The following CNTN6 variants were observed in gnomAD, a reference collection of about 807,000 sequenced individuals.
CNTN6 encodes contactin-6.
Under a neutral mutation model 122.8 loss-of-function variants are expected in CNTN6, and 137 were observed. The ratio of observed to expected loss-of-function variants is 1.12; its 90% CI spans 0.97 to 1.29. CNTN6 has a LOEUF of 1.29. Among genes scored for constraint, CNTN6 ranks in the 50% most tolerant of loss-of-function variants. The pLI is 0.00. For synonymous variants in CNTN6, 570 were observed against 426.0 expected, an observed-to-expected ratio of 1.34 and a Z score of -4.16; for missense variants, 1,634 against 1,223.4, an observed-to-expected ratio of 1.34 and a Z score of -5.01.
At chr3:1,118,218 A>C (rs910310190) in intron 1 of CNTN6, among the ~76,000 whole-genome samples, 1 of 152,158 alleles carries the variant, frequency 6.6e-6, no homozygotes, top group African/African-American at 2.4e-5. Context: ...GGTGAAGAGA[A>C]GCCTTTCACA....
At chr3:1,134,848 T>A (rs2092431974) in intron 1 of CNTN6, among the ~76,000 whole-genome samples, 1 of 152,154 alleles carries the variant, frequency 6.6e-6, no homozygotes, top group Non-Finnish European at 1.5e-5. Context: ...CAATGTCTGC[T>A]GTTAGTAAGA....
At chr3:1,282,506 A>G (rs866779181) in intron 5 of CNTN6, among the ~76,000 whole-genome samples, 1 of 152,228 alleles carries the variant, frequency 6.6e-6, no homozygotes, top group Non-Finnish European at 1.5e-5. Context: ...CCTATTCCCC[A>G]ATCAGAGATG....
intron 20 of CNTN6, among the ~76,000 whole-genome samples, chr3:1,389,883 A>C (rs1434167460): frequency 6.6e-6 from 1 of 151,656 alleles, no homozygotes; most frequent in East Asian, 1.9e-4. Context: ...CTATGCACCC[A>C]ATACAGGAGC....
At chr3:1,198,191 CAAAA>C (rs963660843) in intron 2 of CNTN6, among the ~76,000 whole-genome samples, 1 of 151,706 alleles carries the variant, frequency 6.6e-6, no homozygotes, top group African/African-American at 2.4e-5. Flanking sequence ...AAAAAACAAA[CAAAA>C]AAAACTTATT....
chr3:1,148,054 T>A lies in CNTN6; in HGVS notation c.46T>A (p.Ser16Thr). The A allele has an allele frequency of 6.2e-7, 1 of 1,607,090 alleles. No individual in the cohort carries two copies. The highest frequency in any genetic ancestry group is 8.5e-7 in the Non-Finnish European group (1 of 1,174,732). Residue 16 changes from serine (S) to threonine (T), a missense_variant, in exon 2 of 23, where the codon TCT becomes ACT. Transcript: ENST00000446702. ...KLVILLPLINSSAGDGLLSRP... is the reference protein window; with the variant it reads ...KLVILLPLINTSAGDGLLSRP... ...GGTAATTCTGCTGCCACTCATAAACTCTTCTGCAGGTAAAGTGTTCTATTA... is the reference window on the plus strand; with the variant it reads ...GGTAATTCTGCTGCCACTCATAAACACTTCTGCAGGTAAAGTGTTCTATTA...
At chr3:1,390,859 G>T (rs1316266731) in intron 20 of CNTN6, among the ~76,000 whole-genome samples, 4 of 150,678 alleles carry the variant, frequency 2.7e-5, no homozygotes, top group Non-Finnish European at 5.9e-5. Context: ...AAACCAGGAA[G>T]AAGTTGAATC....
intron 2 of CNTN6, among the ~76,000 whole-genome samples, chr3:1,205,416 C>G (rs2093944767): frequency 6.6e-6 from 1 of 152,216 alleles, no homozygotes; most frequent in African/African-American, 2.4e-5. Flanking sequence ...AGATCTTCCT[C>G]AGAACATTGG....
At chr3:1,263,409 A>T (rs965972861) in intron 4 of CNTN6, among the ~76,000 whole-genome samples, 3 of 152,130 alleles carry the variant, frequency 2.0e-5, no homozygotes, top group African/African-American at 7.2e-5. Flanking sequence ...GACAAGCCAT[A>T]ATTTGACCAG....
intron 4 of CNTN6, among the ~76,000 whole-genome samples, chr3:1,263,933 A>G (rs1392811979): frequency 6.6e-6 from 1 of 151,796 alleles, no homozygotes; most frequent in Non-Finnish European, 1.5e-5. Context: ...CTAAATGTCA[A>G]AAAGAATCTA....
At chr3:1,401,895 G>C (rs1159288985) in intron 21 of CNTN6, among the ~76,000 whole-genome samples, 1 of 152,000 alleles carries the variant, frequency 6.6e-6, no homozygotes, top group Non-Finnish European at 1.5e-5. Context: ...TTAGGCTGCA[G>C]TATGATGTGA....
chr3:1,158,865 CACATAT>C, intron 2 of CNTN6, among the ~76,000 whole-genome samples: 1 of 30,108 alleles, frequency 3.3e-5, no homozygotes, highest in African/African-American at 8.9e-5. Flanking sequence ...TATATATACA[CACATAT>C]ATATACACAT....
chr3:1,295,190 C>A (rs1695998241), intron 5 of CNTN6, among the ~76,000 whole-genome samples: 1 of 152,080 alleles, frequency 6.6e-6, no homozygotes, highest in South Asian at 2.1e-4. Context: ...TTAACAAGTA[C>A]CTGTAAGTAT....
At chr3:1,223,715 C>T (rs1044235385) in intron 3 of CNTN6, among the ~76,000 whole-genome samples, 4 of 152,184 alleles carry the variant, frequency 2.6e-5, no homozygotes, top group Non-Finnish European at 5.9e-5. Flanking sequence ...AAAAGGATTT[C>T]TGACAATCTT....
At chr3:1,220,325 G>A (rs1405595004) in intron 2 of CNTN6, among the ~76,000 whole-genome samples, 1 of 152,108 alleles carries the variant, frequency 6.6e-6, no homozygotes, top group Non-Finnish European at 1.5e-5. Flanking sequence ...GACAGAGTGA[G>A]ACACTGTCTC....
At chr3:1,112,537 T>C (rs2091528786) in intron 1 of CNTN6, among the ~76,000 whole-genome samples, 1 of 152,120 alleles carries the variant, frequency 6.6e-6, no homozygotes, top group Non-Finnish European at 1.5e-5. Flanking sequence ...AGCCCAGCTC[T>C]GGAGGCAGAG....
At chr3:1,333,987 T>C (rs887088150) in intron 11 of CNTN6, among the ~76,000 whole-genome samples, 3 of 152,140 alleles carry the variant, frequency 2.0e-5, no homozygotes, top group African/African-American at 7.2e-5. Context: ...GTTACATTTC[T>C]CAATACAGTG....
At chr3:1,103,695 C>A (rs1483629852) in intron 1 of CNTN6, among the ~76,000 whole-genome samples, 1 of 152,192 alleles carries the variant, frequency 6.6e-6, no homozygotes. Context: ...ACACAAGACA[C>A]AATGCCTGAG....
At chr3:1,348,234 A>C (rs190209344) in intron 11 of CNTN6, among the ~76,000 whole-genome samples, 124 of 151,480 alleles carry the variant, frequency 8.2e-4, no homozygotes, top group African/African-American at 2.7e-3. Flanking sequence ...GTTGGGATTC[A>C]GATTCGATCA....
At chr3:1,119,095 G>A (rs1219050717) in intron 1 of CNTN6, among the ~76,000 whole-genome samples, 1 of 151,986 alleles carries the variant, frequency 6.6e-6, no homozygotes, top group Admixed American at 6.6e-5. Context: ...AGGAGAGGCT[G>A]TTGGAAAGTG....
Sources: allele counts gnomAD v4.1 joint callset (sites outside exome capture counted in the v4.1 genomes callset), GRCh38; gene constraint gnomAD v4.1.1; transcripts MANE v1.5; gene names NCBI Gene and HGNC (gene_info 2026-07-23, HGNC 2026-07-21).